Variants in VPS41 observed in about 807,000 individuals in gnomAD.
The protein encoded by VPS41 is vacuolar protein sorting-associated protein 41 homolog.
In VPS41, 85 loss-of-function variants were observed where a neutral mutation model predicts 130.9. The ratio of observed to expected loss-of-function variants is 0.65; its 90% confidence interval spans 0.55 to 0.78. The LOEUF is 0.78. Ranked by LOEUF, VPS41 falls within the 30% of genes least tolerant of loss-of-function variation. The pLI is 0.00. For synonymous variants in VPS41, 335 were observed against 332.9 expected (o/e 1.01, Z -0.07); for missense variants, 874 against 1,018.7 (o/e 0.86, Z 1.93).
intron 2 of VPS41, among the ~76,000 whole-genome samples, chr7:38,889,282 G>T (rs1223475334): frequency 1.3e-5 from 2 of 151,598 alleles, no homozygotes; most frequent in African/African-American, 4.9e-5. Flanking sequence ...GATTCCAGAA[G>T]CTGAGCAAAC....
chr7:38,727,755 C>G (rs896867171), intron 27 of VPS41, among the ~76,000 whole-genome samples: 1 of 152,198 alleles, frequency 6.6e-6, no homozygotes, highest in East Asian at 1.9e-4. Flanking sequence ...ATGAGGTCAA[C>G]TAGGTCTTTT....
chr7:38,773,436 T>C (rs1206160828), intron 12 of VPS41, among the ~76,000 whole-genome samples: 10 of 152,198 alleles, frequency 6.6e-5, no homozygotes, highest in Admixed American at 3.9e-4. Flanking sequence ...ATTTCTTCAT[T>C]TCCTTTGGCC....
chr7:38,898,785 T>C (rs1787073333), intron 1 of VPS41, among the ~76,000 whole-genome samples: 1 of 152,220 alleles, frequency 6.6e-6, no homozygotes, highest in African/African-American at 2.4e-5. Context: ...ATCTCTCACC[T>C]GTCCAGTGAA....
chr7:38,898,362 A>G (rs1186707394), intron 1 of VPS41, among the ~76,000 whole-genome samples: 1 of 152,126 alleles, frequency 6.6e-6, no homozygotes, highest in African/African-American at 2.4e-5. Flanking sequence ...AGGTAAACAA[A>G]TTACCCCAGG....
At chr7:38,750,751 G>C (rs1783653113) in intron 22 of VPS41, among the ~76,000 whole-genome samples, 1 of 152,178 alleles carries the variant, frequency 6.6e-6, no homozygotes, top group South Asian at 2.1e-4. Flanking sequence ...GAGAGATATA[G>C]AGATACTGGA....
At chr7:38,833,824 A>T (rs2116188901) in intron 4 of VPS41, among the ~76,000 whole-genome samples, 1 of 152,294 alleles carries the variant, frequency 6.6e-6, no homozygotes, top group Non-Finnish European at 1.5e-5. Context: ...TCCTCAACCC[A>T]TTTTACCAGA....
chr7:38,781,596 T>A (rs539894059), intron 10 of VPS41, among the ~76,000 whole-genome samples: 42 of 152,336 alleles, frequency 2.8e-4, no homozygotes, highest in African/African-American at 9.9e-4. Flanking sequence ...TAGACTGAAT[T>A]ATCTTTGCCT....
At position 38,759,318 on chromosome 7, in the gene VPS41, G is replaced by T. The variant is rs1048965509; in HGVS notation, c.1423-837C>A. On this transcript the variant is annotated intron_variant, in intron 17 of 28. Transcript: ENST00000310301. The stretch of plus-strand genomic sequence containing the variant: ...ACTAATTGCTTTCTTGGTGTGTAGC[G>T]GAAAAACCCAGATATTTGGTCACAG... 2.6e-5 allele frequency among the ~76,000 whole-genome samples: 4 copies of T among 152,120 alleles called. No homozygotes were observed. In the East Asian group the frequency reaches 7.7e-4, roughly 29 times the overall value.
chr7:38,873,212 G>A (rs1786410757), intron 2 of VPS41, among the ~76,000 whole-genome samples: 1 of 152,002 alleles, frequency 6.6e-6, no homozygotes, highest in South Asian at 2.1e-4. Flanking sequence ...GGCATTTGAT[G>A]TATCATTTCA....
chr7:38,740,884 CA>C (rs1795866649), intron 25 of VPS41, among the ~76,000 whole-genome samples: 1 of 152,194 alleles, frequency 6.6e-6, no homozygotes, highest in Admixed American at 6.5e-5. Flanking sequence ...TAATTCTACA[CA>C]AATGACCTTT....
chr7:38,889,414 G>C (rs1246888069), intron 2 of VPS41, among the ~76,000 whole-genome samples: 2 of 151,300 alleles, frequency 1.3e-5, no homozygotes, highest in Non-Finnish European at 2.9e-5. Context: ...TTTCTTACCG[G>C]AAACACCAAT....
At position 38,771,172 on chromosome 7, in the gene VPS41, T is replaced by TTTCAAATAACAAATTGCACAC. The variant is rs1270523102; in HGVS notation, c.1185+5_1185+25dup. The TTTCAAATAACAAATTGCACAC allele has an allele frequency of 2.0e-6, 3 of 1,506,680 alleles. No individual in the cohort carries two copies. In the East Asian group the frequency reaches 6.8e-5, roughly 34 times the overall value. The allele number at this position is 1,506,680 out of a possible 1,614,324, so 93.3% of individuals were successfully genotyped here. On this transcript the variant is annotated intron_variant, in intron 14 of 28. Transcript: ENST00000310301. ...TAACTTATTGAAAGATAAAATTATGTTTCAAATAACAAATTGCACACTTAC... is the reference window on the plus strand; with the variant it reads ...TAACTTATTGAAAGATAAAATTATGTTTCAAATAACAAATTGCACACTTCAAATAACAAATTGCACACTTAC...
At position 38,881,660 on chromosome 7, in the gene VPS41, G is replaced by A. The variant is rs116398076; in HGVS notation, c.61-12407C>T. Among the ~76,000 whole-genome samples the A allele has an allele frequency of 5.1e-3, 775 of 152,196 alleles. 7 individuals are homozygous for A. The highest frequency in any genetic ancestry group is 0.017 in the African/African-American group (696 of 41,528). On this transcript the variant is annotated intron_variant, in intron 2 of 28. Transcript: ENST00000310301. ...TAAATATTGATCCCTGTGAGGACAC[G>A]GCATGGGATAAAACAATTCTCCGGT...
At chr7:38,894,376 C>T (rs577204124) in intron 2 of VPS41, among the ~76,000 whole-genome samples, 15 of 151,554 alleles carry the variant, frequency 9.9e-5, no homozygotes, top group African/African-American at 3.6e-4. Context: ...GGTCCATAAA[C>T]TCAGTAGAAT....
intron 10 of VPS41, among the ~76,000 whole-genome samples, chr7:38,781,975 T>G (rs1362568269): frequency 2.6e-5 from 4 of 152,248 alleles, no homozygotes; most frequent in African/African-American, 7.2e-5. Flanking sequence ...TTGCTTGCTT[T>G]TTAGGTGAAA....
At chr7:38,886,618 G>A (rs978473830) in intron 2 of VPS41, among the ~76,000 whole-genome samples, 1 of 152,240 alleles carries the variant, frequency 6.6e-6, no homozygotes, top group Non-Finnish European at 1.5e-5. Context: ...GCAGCAGACA[G>A]CTTCTCCAGA....
chr7:38,795,423 T>C, intron 9 of VPS41, 42 bp downstream of exon 9: 2 of 1,580,868 alleles, frequency 1.3e-6, no homozygotes, highest in Non-Finnish European at 1.7e-6. Flanking sequence ...CCTCAGTGGA[T>C]CTATAACAAC....
intron 11 of VPS41, among the ~76,000 whole-genome samples, chr7:38,776,327 G>A (rs552406330): frequency 1.3e-5 from 2 of 152,190 alleles, no homozygotes; most frequent in Non-Finnish European, 2.9e-5. Flanking sequence ...AGGGACCCCT[G>A]TTGTTGCTGC....
chr7:38,841,895 C>T (rs1166908007), intron 4 of VPS41, among the ~76,000 whole-genome samples: 1 of 152,216 alleles, frequency 6.6e-6, no homozygotes, highest in Non-Finnish European at 1.5e-5. Context: ...TGAGCCACTG[C>T]ACCCAGCCTC....
Sources: allele counts gnomAD v4.1 joint callset (sites outside exome capture counted in the v4.1 genomes callset), GRCh38; gene constraint gnomAD v4.1.1; transcripts MANE v1.5; gene names NCBI Gene and HGNC (gene_info 2026-07-23, HGNC 2026-07-21).